Variants in GABRQ observed in about 807,000 individuals in gnomAD.
GABRQ encodes gamma-aminobutyric acid receptor subunit theta.
In GABRQ, 19 loss-of-function variants were observed where a neutral mutation model predicts 30.5. The ratio of observed to expected loss-of-function variants is 0.62; its 90% CI spans 0.43 to 0.91. GABRQ has a LOEUF of 0.91. GABRQ is among the 40% of genes least tolerant of loss of function. The probability of loss-of-function intolerance (pLI) is 0.00; values close to 1 mark genes in which losing one functional copy is unlikely to be tolerated. For missense variants in GABRQ, 520 were observed against 521.4 expected, an observed-to-expected ratio of 1.00 and a Z score of 0.03; for synonymous variants, 187 against 210.2, an observed-to-expected ratio of 0.89 and a Z score of 0.95.
At chrX:152,648,009 C>T (rs1194827225) in intron 4 of GABRQ, among the ~76,000 whole-genome samples, 1 of 111,833 alleles carries the variant, frequency 8.9e-6, no homozygotes, top group African/African-American at 3.3e-5. Context: ...GCTCTGAAAT[C>T]GGGAAATAAC....
At chrX:152,650,219 A>G (rs782675630) in intron 6 of GABRQ, among the ~76,000 whole-genome samples, 1 of 112,260 alleles carries the variant, frequency 8.9e-6, no homozygotes, top group South Asian at 3.7e-4. Flanking sequence ...AGGAAAGTGG[A>G]GAGAGCAGAC....
chrX:152,646,330 G>A (rs150566660), intron 3 of GABRQ, among the ~76,000 whole-genome samples: 1,874 of 112,147 alleles, frequency 0.017, 31 homozygotes, highest in African/African-American at 0.057. Context: ...GCTTTTTGGC[G>A]CTTGGCTTTC....
rs1187787340 is a variant in GABRQ at position 152,651,799 on chromosome X, G to A, written c.1158+17G>A. 1.7e-6 allele frequency: 2 copies of A among 1,202,480 alleles called. No homozygotes were observed. Among genetic ancestry groups the A allele is most frequent in the African/African-American group, 3.5e-5 (2 of 57,258 alleles). On this transcript the variant is annotated intron_variant, in intron 8 of 8. Coordinates refer to ENST00000598523, the MANE Select transcript of GABRQ (RefSeq NM_018558.4). ...AACGTGCAGGTTTGACTTTTTGACT[G>A]ACAATCAGCTTTCCCTGAGCACCTC...
Position 152,655,252 on chromosome X carries a change from C to T in GABRQ, c.*1971C>T, listed in dbSNP as rs1931126988. On this transcript the variant is annotated 3_prime_UTR_variant, in exon 9 of 9. Coordinates refer to ENST00000598523, the MANE Select transcript of GABRQ (RefSeq NM_018558.4). ...GGCCCTATTTGGCCGGGCTGCTTAA[C>T]TGACTGTTTCTTTCCAACTTCCTGT... 4 of 112,293 alleles carry T rather than the reference C, an allele frequency of 3.6e-5. No individual in the cohort carries two copies. In the South Asian group the frequency reaches 1.5e-3, roughly 42 times the overall value. The allele number at this position is 112,293 out of a possible 1,213,427, so 9.3% of individuals were successfully genotyped here. A position where few individuals can be genotyped will look rare whatever the true frequency, so the allele number is the denominator to read the frequency against.
intron 2 of GABRQ, among the ~76,000 whole-genome samples, chrX:152,644,053 G>A (rs1478423610): frequency 1.8e-5 from 2 of 110,960 alleles, no homozygotes; most frequent in African/African-American, 6.6e-5. Flanking sequence ...GTGCAAACAT[G>A]CTCACACATT....
intron 4 of GABRQ, among the ~76,000 whole-genome samples, chrX:152,649,016 C>T (rs1159762358): frequency 7.1e-5 from 8 of 112,496 alleles, no homozygotes; most frequent in East Asian, 5.6e-4. Flanking sequence ...CAGTTTCCTC[C>T]GGGGCCCTTC....
At chrX:152,642,104 C>T (rs1556818506) in intron 2 of GABRQ, among the ~76,000 whole-genome samples, 1 of 111,575 alleles carries the variant, frequency 9.0e-6, no homozygotes, top group Admixed American at 9.5e-5. Context: ...TTTAGCCAAA[C>T]CGATGAAGGT....
In GABRQ at chrX:152,651,638, T is replaced by C. The variant is rs782062972; in HGVS notation, c.1014T>C (p.Phe338=). The C allele has an allele frequency of 7.4e-6, 9 of 1,211,261 alleles. No homozygotes were observed. Among genetic ancestry groups the C allele is most frequent in the Middle Eastern group, 2.3e-4 (1 of 4,353 alleles). The part of the protein sequence containing the change: ...IDIYILVCLF[F]VFLSLLEYVY... ...TCTATATCCTCGTGTGCTTGTTCTT[T>C]GTGTTCCTGTCCTTGCTGGAGTATG... Residue 338 remains phenylalanine (F), a synonymous_variant, in exon 8 of 9, where the codon TTT becomes TTC. Coordinates refer to ENST00000598523, the MANE Select transcript of GABRQ (RefSeq NM_018558.4).
Position 152,653,459 on chromosome X carries a change from G to T in GABRQ, c.*178G>T, listed in dbSNP as rs191480286. ...GAGTAATTGGAAAGAACATGTTCTA[G>T]CTGGAAGGGAAGGGATTGAGGAGGA... On this transcript the variant is annotated 3_prime_UTR_variant, in exon 9 of 9. Transcript: ENST00000598523. 1 of 423,006 alleles carries T rather than the reference G, an allele frequency of 2.4e-6. No individual in the cohort carries two copies. The highest frequency in any genetic ancestry group is 2.5e-5 in the African/African-American group (1 of 40,351). 34.9% of individuals were successfully genotyped at this position (423,006 alleles called of 1,213,427 possible).
chrX:152,649,477 A>T, intron 5 of GABRQ, 144 bp downstream of exon 5: 1 of 479,963 alleles, frequency 2.1e-6, no homozygotes, highest in South Asian at 3.0e-5. Flanking sequence ...TAAATAGACG[A>T]TAGAGGATAG....
chrX:152,643,934 C>A (rs1033612734), intron 2 of GABRQ, among the ~76,000 whole-genome samples: 1 of 111,908 alleles, frequency 8.9e-6, no homozygotes, highest in Non-Finnish European at 1.9e-5. Context: ...TGCTCACACA[C>A]ACATGCAAAT....
rs1930866255 is a variant in GABRQ at position 152,645,508 on chromosome X, GTGTCTTTC to G, written c.239-12_239-5del. 2 of 1,003,437 alleles carry G rather than the reference GTGTCTTTC, an allele frequency of 2.0e-6. No homozygotes were observed. The highest frequency in any genetic ancestry group is 1.9e-5 in the South Asian group (1 of 52,292). 82.7% of individuals were successfully genotyped at this position (1,003,437 alleles called of 1,213,427 possible). A position where few individuals can be genotyped will look rare whatever the true frequency, so the allele number is the denominator to read the frequency against. ...CCTTTATTCTACCTTTCGTGTAACT[GTGTCTTTC>G]TGTCTTCTAGGTGCCCCTGTGCCTG... On this transcript the variant is annotated splice_polypyrimidine_tract_variant and intron_variant, in intron 2 of 8. Transcript: ENST00000598523.
intron 1 of GABRQ, among the ~76,000 whole-genome samples, chrX:152,639,233 T>C (rs1169079600): frequency 9.9e-6 from 1 of 100,571 alleles, no homozygotes; most frequent in Non-Finnish European, 2.0e-5. Context: ...GAATAATTTT[T>C]AACAATGTTT....
At position 152,652,968 on chromosome X, in the gene GABRQ, A is replaced by C. The variant is rs782078871; in HGVS notation, c.1586A>C (p.Glu529Ala). The part of the protein sequence containing the change: ...MLHHGEKGVQ[E>A]AGWDLDDNND... Reference sequence around the variant, plus strand: ...CACCATGGCGAGAAGGGTGTGCAAGAAGCAGGCTGGGACCTTGATGACAAC... The same window carrying C: ...CACCATGGCGAGAAGGGTGTGCAAGCAGCAGGCTGGGACCTTGATGACAAC... Residue 529 changes from glutamate (E) to alanine (A), a missense_variant, in exon 9 of 9, where the codon GAA (glutamate) becomes GCA (alanine). By Grantham distance (107) the Glu-to-Ala change is moderately radical. Coordinates refer to ENST00000598523, the MANE Select transcript of GABRQ (RefSeq NM_018558.4). The C allele has an allele frequency of 1.1e-5, 13 of 1,209,852 alleles. No individual in the cohort carries two copies. Among genetic ancestry groups the C allele is most frequent in the Non-Finnish European group, 1.5e-5 (13 of 894,612 alleles).
At chrX:152,642,816 C>G (rs1183956920) in intron 2 of GABRQ, among the ~76,000 whole-genome samples, 1 of 111,842 alleles carries the variant, frequency 8.9e-6, no homozygotes, top group African/African-American at 3.3e-5. Context: ...TCCCCACCCC[C>G]ATTATCTGTT....
intron 2 of GABRQ, among the ~76,000 whole-genome samples, chrX:152,640,853 C>G (rs1419804483): frequency 1.8e-5 from 2 of 111,237 alleles, no homozygotes; most frequent in African/African-American, 6.6e-5. Flanking sequence ...ATTCTTCACA[C>G]CCTGGGCACT....
Position 152,653,259 on chromosome X carries a change from A to C in GABRQ, c.1877A>C (p.Tyr626Ser), listed in dbSNP as rs782233354. ...PLAFGLFNIV[Y>S]WVYHMY The stretch of plus-strand genomic sequence containing the variant: ...GCCTTTGGGTTGTTCAACATTGTTT[A>C]CTGGGTATACCATATGTATTAGTCC... Residue 626 changes from tyrosine (Y) to serine (S), a missense_variant, in exon 9 of 9, where the codon TAC (tyrosine) becomes TCC (serine). Coordinates refer to ENST00000598523, the MANE Select transcript of GABRQ (RefSeq NM_018558.4). The C allele has an allele frequency of 1.7e-6, 2 of 1,203,145 alleles. No homozygotes were observed. The highest frequency in any genetic ancestry group is 4.3e-5 in the Admixed American group (2 of 46,030).
intron 1 of GABRQ, among the ~76,000 whole-genome samples, chrX:152,640,026 A>G (rs1213600944): frequency 9.0e-6 from 1 of 111,085 alleles, no homozygotes; most frequent in Non-Finnish European, 1.9e-5. Context: ...GGCTGAAGTA[A>G]TGCATTTTTC....
intron 2 of GABRQ, among the ~76,000 whole-genome samples, chrX:152,641,464 G>C (rs1024603083): frequency 1.8e-5 from 2 of 113,062 alleles, no homozygotes; most frequent in Admixed American, 1.9e-4. Flanking sequence ...AGAAAACACA[G>C]CTGAGAGGAT....
Sources: allele counts gnomAD v4.1 joint callset (sites outside exome capture counted in the v4.1 genomes callset), GRCh38; gene constraint gnomAD v4.1.1; transcripts MANE v1.5; gene names NCBI Gene and HGNC (gene_info 2026-07-23, HGNC 2026-07-21).